Variants in FAM83C observed in about 807,000 individuals in gnomAD.
FAM83C encodes scaffolding CK1 anchoring protein C.
In FAM83C, 23 loss-of-function variants were observed where a neutral mutation model predicts 27.1. The observed-to-expected ratio is 0.85, with a 90% confidence interval of 0.61 to 1.20. The LOEUF is 1.20. Among genes scored for constraint, FAM83C ranks in the 50% most tolerant of loss-of-function variants. FAM83C has a pLI of 0.00. For missense variants in FAM83C, 984 were observed against 1,001.3 expected (o/e 0.98, Z 0.23); for synonymous variants, 426 against 423.1 (o/e 1.01, Z -0.09).
chr20:35,289,680 T>C (rs1369099736), intron 1 of FAM83C, among the ~76,000 whole-genome samples: 1 of 151,996 alleles, frequency 6.6e-6, no homozygotes, highest in Non-Finnish European at 1.5e-5. Context: ...GATGGGGTTC[T>C]CACAAGCTGG....
intron 1 of FAM83C, among the ~76,000 whole-genome samples, chr20:35,291,444 A>G (rs2060846610): frequency 6.6e-6 from 1 of 152,182 alleles, no homozygotes; most frequent in Middle Eastern, 3.2e-3. Flanking sequence ...TGGGGATCAT[A>G]AAACTTTTTG....
At chr20:35,290,568 G>A (rs2060844128) in intron 1 of FAM83C, among the ~76,000 whole-genome samples, 1 of 152,156 alleles carries the variant, frequency 6.6e-6, no homozygotes, top group Non-Finnish European at 1.5e-5. Flanking sequence ...ATAAACATTG[G>A]GCTGCAGGGC....
Position 35,288,571 on chromosome 20 carries a change from C to T in FAM83C, c.696G>A (p.Arg232=). The T allele has an allele frequency of 6.2e-7, 1 of 1,614,186 alleles. No individual in the cohort carries two copies. Among genetic ancestry groups the T allele is most frequent in the Non-Finnish European group, 8.5e-7 (1 of 1,180,014 alleles). The change falls in exon 3 of 4, where the codon CGG becomes CGA. Residue 232 remains arginine, a synonymous_variant. Coordinates refer to ENST00000374408, the MANE Select transcript of FAM83C (RefSeq NM_178468.6). ...NGEHLPNMRV[R]STCGDTYCSK... ...TGCAGTATGTGTCCCCACACGTGCT[C>T]CGCACACGCATGTTCTAGGTGGAAG...
Position 35,287,110 on chromosome 20 carries a change from G to A in FAM83C, c.1669C>T (p.Leu557Phe), listed in dbSNP as rs1430107821. The A allele has an allele frequency of 6.9e-6, 11 of 1,604,236 alleles. No homozygotes were observed. Among genetic ancestry groups the A allele is most frequent in the African/African-American group, 1.3e-5 (1 of 74,910 alleles). ...SPSQADSQLDLLSRALGTGGA... is the reference protein window; with the variant it reads ...SPSQADSQLDFLSRALGTGGA... ...CCAGTACCCAGGGCTCGGGACAGGA[G>A]ATCCAGCTGGCTGTCGGCCTGGCTT... The change falls in exon 4 of 4, where the codon CTC (leucine) becomes TTC (phenylalanine). Residue 557 changes from leucine to phenylalanine, a missense_variant. Coordinates refer to ENST00000374408, the MANE Select transcript of FAM83C (RefSeq NM_178468.6).
chr20:35,287,998 A>G (rs1600831622), intron 3 of FAM83C, 26 bp from the exon 4 acceptor site: 2 of 1,550,658 alleles, frequency 1.3e-6, no homozygotes, highest in South Asian at 2.4e-5. Context: ...CAGGGGGGTC[A>G]GGAGGCAAAG....
rs750162144 is a variant in FAM83C, at chr20:35,286,899, C to A, written c.1880G>T (p.Arg627Leu). The change falls in exon 4 of 4, where the codon CGG (arginine) becomes CTG (leucine). Residue 627 changes from arginine (R) to leucine (L), a missense_variant. Arg to Leu is a moderately radical substitution (Grantham distance 102). Coordinates refer to ENST00000374408, the MANE Select transcript of FAM83C (RefSeq NM_178468.6). ...CAGCTGGCTGTGCCCCAGGGTCTGCCGCCGCTCATCTGGTGCCCGTCTGGC... is the reference window on the plus strand; with the variant it reads ...CAGCTGGCTGTGCCCCAGGGTCTGCAGCCGCTCATCTGGTGCCCGTCTGGC... ...RPARRAPDER[R>L]QTLGHSQLDL... 3 of 1,614,030 alleles carry A rather than the reference C, an allele frequency of 1.9e-6. No individual in the cohort carries two copies. The African/African-American group carries it at 4.0e-5, about 22-fold the overall frequency.
rs751425654 is a variant in FAM83C, at chr20:35,286,888, C to A, written c.1891G>T (p.Gly631Trp). 6.2e-7 allele frequency: 1 copy of A among 1,614,086 alleles called. No homozygotes were observed. Among genetic ancestry groups the A allele is most frequent in the African/African-American group, 1.3e-5 (1 of 74,946 alleles). The change falls in exon 4 of 4, where the codon GGG becomes TGG. Residue 631 changes from glycine (G) to tryptophan (W), a missense_variant. Coordinates refer to ENST00000374408, the MANE Select transcript of FAM83C (RefSeq NM_178468.6). ...GTGATGAGGTCCAGCTGGCTGTGCC[C>A]CAGGGTCTGCCGCCGCTCATCTGGT... ...RAPDERRQTL[G>W]HSQLDLITKF...
Position 35,287,305 on chromosome 20 carries a change from C to T in FAM83C, c.1474G>A (p.Val492Met), listed in dbSNP as rs2060831039. The T allele has an allele frequency of 1.2e-6, 2 of 1,613,654 alleles. No individual in the cohort carries two copies. Among genetic ancestry groups the T allele is most frequent in the South Asian group, 1.1e-5 (1 of 91,090 alleles). The stretch of plus-strand genomic sequence containing the variant: ...GATGCCTTCTTCTCCTTCTCCTCCA[C>T]TGTCTCCAGGGTTGTGCCAGGTACC... Reference protein sequence around the residue: ...RWVPGTTLETVEEKEKKASPS... With the variant: ...RWVPGTTLETMEEKEKKASPS... The change falls in exon 4 of 4, where the codon GTG becomes ATG. Residue 492 changes from valine (V) to methionine (M), a missense_variant. Physicochemically the swap from Val to Met is conservative, Grantham distance 21. Coordinates refer to ENST00000374408, the MANE Select transcript of FAM83C (RefSeq NM_178468.6).
chr20:35,292,240 C>A lies in FAM83C; in HGVS notation c.65G>T (p.Arg22Leu), dbSNP rs565932230. Residue 22 changes from arginine (R) to leucine (L), a missense_variant, in exon 1 of 4, where the codon CGG becomes CTG. Physicochemically the swap from Arg to Leu is moderately radical, Grantham distance 102. Transcript: ENST00000374408. ...AQGMAGPLRG[R>L]VEELKLPWWR... ...CCACGGCAGCTTCAGCTCTTCCACCCGGCCCCGCAGGGGTCCCGCCATGCC... is the reference window on the plus strand; with the variant it reads ...CCACGGCAGCTTCAGCTCTTCCACCAGGCCCCGCAGGGGTCCCGCCATGCC... 1 of 1,562,470 alleles carries A rather than the reference C, an allele frequency of 6.4e-7. No individual in the cohort carries two copies. The highest frequency in any genetic ancestry group is 1.4e-5 in the African/African-American group (1 of 74,038).
chr20:35,287,821 G>A lies in FAM83C; in HGVS notation c.958C>T (p.Arg320Trp), dbSNP rs760258929. Residue 320 changes from arginine (R) to tryptophan (W), a missense_variant, in exon 4 of 4, where the codon CGG (arginine) becomes TGG (tryptophan). Coordinates refer to ENST00000374408, the MANE Select transcript of FAM83C (RefSeq NM_178468.6). ...GCCACAGGGGGAGGACGCAGTGCCC[G>A]GGGAGACAGCGGGTCCTCACCGCCA... ...FCGGEDPLSPRALRPPPVALA... is the reference protein window; with the variant it reads ...FCGGEDPLSPWALRPPPVALA... The A allele has an allele frequency of 6.3e-6, 10 of 1,581,562 alleles. No homozygotes were observed. The highest frequency in any genetic ancestry group is 3.6e-5 in the Admixed American group (2 of 55,558).
chr20:35,290,079 C>G (rs1282858165), intron 1 of FAM83C, among the ~76,000 whole-genome samples: 1 of 152,204 alleles, frequency 6.6e-6, no homozygotes, highest in Non-Finnish European at 1.5e-5. Flanking sequence ...TGCCCTTTCC[C>G]AGTCCTGCCT....
At chr20:35,288,689 C>G (rs188114146) in intron 2 of FAM83C, 102 bp downstream of exon 2, 9 of 1,553,742 alleles carry the variant, frequency 5.8e-6, no homozygotes, top group African/African-American at 1.4e-5. Flanking sequence ...ACCCACCCCC[C>G]ACTCCCAGTG....
In FAM83C at chr20:35,287,160, G is replaced by A. The variant is rs776294742; in HGVS notation, c.1619C>T (p.Ala540Val). Residue 540 changes from alanine to valine, a missense_variant, in exon 4 of 4, where the codon GCC becomes GTC. By Grantham distance (64) the Ala-to-Val change is moderately conservative. Transcript: ENST00000374408. ...TGGGGACAACCTCCTGTCCTCTGGG[G>A]CCTGCTCGCCAGGCCGAAGGGGGCC... ...NSGPLRPGEQ[A>V]PEDRRLSPSQ... The A allele has an allele frequency of 1.2e-6, 2 of 1,606,260 alleles. No homozygotes were observed. The highest frequency in any genetic ancestry group is 1.7e-6 in the Non-Finnish European group (2 of 1,179,290).
rs755323338 is a variant in FAM83C, at chr20:35,287,189, G to T, written c.1590C>A (p.Asn530Lys). 3.1e-6 allele frequency: 5 copies of T among 1,610,238 alleles called. No homozygotes were observed. The South Asian group carries it at 4.4e-5, about 14-fold the overall frequency. ...VGDPDSGVTP[N>K]SGPLRPGEQA... ...GCTCGCCAGGCCGAAGGGGGCCTGAGTTGGGGGTAACCCCAGAGTCAGGGT... is the reference window on the plus strand; with the variant it reads ...GCTCGCCAGGCCGAAGGGGGCCTGATTTGGGGGTAACCCCAGAGTCAGGGT... The change falls in exon 4 of 4, where the codon AAC becomes AAA. Residue 530 changes from asparagine to lysine, a missense_variant. Transcript: ENST00000374408.
rs149089081 is a variant in FAM83C, at chr20:35,291,793, G to A, written c.512C>T (p.Thr171Met). 1.3e-5 allele frequency: 21 copies of A among 1,613,962 alleles called. No homozygotes were observed. The highest frequency in any genetic ancestry group is 3.3e-4 in the Middle Eastern group (2 of 6,062). The change falls in exon 1 of 4, where the codon ACG becomes ATG. Residue 171 changes from threonine (T) to methionine (M), a missense_variant and splice_region_variant. Thr to Met is a moderately conservative substitution (Grantham distance 81, BLOSUM62 -1). Transcript: ENST00000374408. ...LLRFLFSQAH[T>M]VVAVVMDIFT... ...GTGATGGAGAGATGAGGCCCTTACC[G>A]TGTGGGCCTGGCTGAAAAGGAAGCG... is the stretch of plus-strand genomic sequence containing the variant.
At chr20:35,291,439 A>T (rs1407649596) in intron 1 of FAM83C, among the ~76,000 whole-genome samples, 2 of 152,118 alleles carry the variant, frequency 1.3e-5, no homozygotes, top group African/African-American at 4.8e-5. Context: ...TAGTGTGGGG[A>T]TCATAAAACT....
chr20:35,288,456 C>T lies in FAM83C; in HGVS notation c.806+5G>A. 6.2e-7 allele frequency: 1 copy of T among 1,613,962 alleles called. No individual in the cohort carries two copies. The highest frequency in any genetic ancestry group is 8.5e-7 in the Non-Finnish European group (1 of 1,179,934). On this transcript the variant is annotated splice_donor_5th_base_variant and intron_variant, in intron 3 of 3. Coordinates refer to ENST00000374408, the MANE Select transcript of FAM83C (RefSeq NM_178468.6). Reference sequence around the variant, plus strand: ...GGCCCCCCTTGCCTCCTCGTGCCTGCTCACCTGTAACTGCCCGCCACCACT... The same window carrying T: ...GGCCCCCCTTGCCTCCTCGTGCCTGTTCACCTGTAACTGCCCGCCACCACT...
rs111581871 is a variant in FAM83C, at chr20:35,292,005, G to T, written c.300C>A (p.Ser100=). 6.2e-7 allele frequency: 1 copy of T among 1,613,540 alleles called. No individual in the cohort carries two copies. Among genetic ancestry groups the T allele is most frequent in the South Asian group, 1.1e-5 (1 of 91,070 alleles). The change falls in exon 1 of 4, where the codon TCC becomes TCA. Residue 100 remains serine (S), a synonymous_variant. Coordinates refer to ENST00000374408, the MANE Select transcript of FAM83C (RefSeq NM_178468.6). ...ELSEAQGQEA[S]GPDRLSLLSE... ...AGAGCAGGCTGAGGCGGTCTGGCCC[G>T]GAGGCCTCCTGCCCCTGAGCCTCGC...
At chr20:35,289,045 G>A (rs2060839109) in intron 1 of FAM83C, 87 bp from the exon 2 acceptor site, 10 of 1,502,114 alleles carry the variant, frequency 6.7e-6, no homozygotes, top group Admixed American at 4.1e-5. Context: ...ACTGGGCGCC[G>A]GGAAAAGAGT....
Sources: gnomAD v4.1 joint callset for allele counts (sites outside exome capture counted in the v4.1 genomes callset) on GRCh38, gnomAD v4.1.1 for gene constraint, MANE v1.5 for transcripts, NCBI Gene and HGNC (gene_info 2026-07-23, HGNC 2026-07-21) for gene names.